The following ATG5 variants were observed in gnomAD, a reference collection of about 807,000 sequenced individuals.
ATG5 encodes autophagy protein 5.
A neutral mutation model predicts 36.5 loss-of-function variants in ATG5; 14 were observed. The ratio of observed to expected loss-of-function variants is 0.38; its 90% confidence interval spans 0.25 to 0.60. The LOEUF is 0.60. Ranked by LOEUF, ATG5 falls within the 20% of genes least tolerant of loss-of-function variation. The pLI, the probability that ATG5 is intolerant of heterozygous loss-of-function variation, is 0.60. For missense variants in ATG5, 195 were observed against 326.7 expected (o/e 0.60, Z 3.11); for synonymous variants, 95 against 101.5 (o/e 0.94, Z 0.38).
chr6:106,219,208 G>A (rs910638222), intron 6 of ATG5, among the ~76,000 whole-genome samples: 2 of 152,050 alleles, frequency 1.3e-5, no homozygotes, highest in Admixed American at 6.5e-5. Context: ...TTGGATTTCC[G>A]GGTCTTCAGC....
At chr6:106,299,792 T>C (rs934173830) in intron 3 of ATG5, among the ~76,000 whole-genome samples, 2 of 152,318 alleles carry the variant, frequency 1.3e-5, no homozygotes, top group Admixed American at 6.5e-5. Flanking sequence ...AATACAAGTA[T>C]TCTAAAATCA....
At chr6:106,218,096 T>C (rs189736910) in intron 6 of ATG5, among the ~76,000 whole-genome samples, 70 of 152,234 alleles carry the variant, frequency 4.6e-4, no homozygotes, top group Admixed American at 1.4e-3. Flanking sequence ...AAAAGAGACT[T>C]TGGTAAGGGG....
intron 7 of ATG5, among the ~76,000 whole-genome samples, chr6:106,189,638 T>C (rs946272482): frequency 5.2e-5 from 3 of 57,512 alleles, no homozygotes; most frequent in African/African-American, 1.4e-4. Flanking sequence ...AAATTAATAA[T>C]AAAACAGTAA....
chr6:106,295,898 T>C (rs1388266311), intron 3 of ATG5, among the ~76,000 whole-genome samples: 1 of 152,174 alleles, frequency 6.6e-6, no homozygotes, highest in African/African-American at 2.4e-5. Flanking sequence ...TGGATCAGAA[T>C]ACAAGTTAAA....
rs1366737059 is a variant in ATG5, at chr6:106,325,545, C to T, written c.-78G>A. The T allele has an allele frequency of 6.5e-6, 1 of 152,912 alleles. No homozygotes were observed. Among genetic ancestry groups the T allele is most frequent in the Non-Finnish European group, 1.5e-5 (1 of 68,286 alleles). The allele number at this position is 152,912 out of a possible 1,614,324, so 9.5% of individuals were successfully genotyped here. ...ACGTACCCTACTCCAAGCTATGGCT[C>T]CTCCTTCCGGCTCCCCGCACTGGTG... On this transcript the variant is annotated 5_prime_UTR_variant, in exon 1 of 8. Transcript: ENST00000369076.
intron 6 of ATG5, among the ~76,000 whole-genome samples, chr6:106,217,827 G>A (rs600076): frequency 0.031 from 4,753 of 152,148 alleles, 257 homozygotes; most frequent in East Asian, 0.24. Context: ...TATCTGAAGA[G>A]AGAATGGTCT....
At chr6:106,250,267 T>G (rs979594007) in intron 5 of ATG5, among the ~76,000 whole-genome samples, 8 of 152,164 alleles carry the variant, frequency 5.3e-5, no homozygotes. Flanking sequence ...TTTAAAAAAT[T>G]TCTTCTTACA....
At chr6:106,209,792 G>T (rs1031161333) in intron 6 of ATG5, among the ~76,000 whole-genome samples, 1 of 152,134 alleles carries the variant, frequency 6.6e-6, no homozygotes, top group Non-Finnish European at 1.5e-5. Flanking sequence ...AGGGTATGTA[G>T]ATCTTTCTGT....
At chr6:106,221,083 G>A (rs1220899778) in intron 6 of ATG5, among the ~76,000 whole-genome samples, 2 of 152,142 alleles carry the variant, frequency 1.3e-5, no homozygotes, top group East Asian at 3.8e-4. Flanking sequence ...AAAATGGGAG[G>A]ACTGAAATCA....
At chr6:106,285,775 A>G (rs1340224682) in intron 4 of ATG5, among the ~76,000 whole-genome samples, 3 of 152,160 alleles carry the variant, frequency 2.0e-5, no homozygotes, top group Admixed American at 6.5e-5. Context: ...CTAAATCTGT[A>G]TTTCATGCAA....
intron 6 of ATG5, among the ~76,000 whole-genome samples, chr6:106,229,103 C>T (rs1339896494): frequency 6.6e-6 from 1 of 152,240 alleles, no homozygotes; most frequent in Non-Finnish European, 1.5e-5. Flanking sequence ...CAAAATTCTC[C>T]TTACCTCTGA....
At chr6:106,239,123 C>T (rs943106342) in intron 6 of ATG5, among the ~76,000 whole-genome samples, 1 of 151,520 alleles carries the variant, frequency 6.6e-6, no homozygotes, top group Non-Finnish European at 1.5e-5. Flanking sequence ...TCAGCACAGT[C>T]TTGGTAATGC....
intron 6 of ATG5, among the ~76,000 whole-genome samples, chr6:106,246,371 G>GTCTCTC (rs761408773): frequency 1.4e-3 from 171 of 124,684 alleles, no homozygotes; most frequent in African/African-American, 3.9e-3. Context: ...CTCTGTCTCT[G>GTCTCTC]TCTCTCTCTC....
At position 106,186,653 on chromosome 6, in the gene ATG5, T is replaced by C. The variant is rs1332254750; in HGVS notation, c.715A>G (p.Met239Val). 3.1e-6 allele frequency: 5 copies of C among 1,613,728 alleles called. No individual in the cohort carries two copies. Among genetic ancestry groups the C allele is most frequent in the Non-Finnish European group, 4.2e-6 (5 of 1,179,854 alleles). Residue 239 changes from methionine to valine, a missense_variant, in exon 8 of 8, where the codon ATG becomes GTG. Transcript: ENST00000369076. ...AACATTGGCTCAATTCCATGAATCA[T>C]CACTTGATTCTTTTTTTCCCCATCT... ...PEDGEKKNQV[M>V]IHGIEPMLET...
chr6:106,242,652 T>A (rs1376487012), intron 6 of ATG5, among the ~76,000 whole-genome samples: 1 of 152,148 alleles, frequency 6.6e-6, no homozygotes, highest in Non-Finnish European at 1.5e-5. Context: ...TCAAGCAACT[T>A]ACATTCACCT....
chr6:106,233,666 A>T (rs1302659177), intron 6 of ATG5, among the ~76,000 whole-genome samples: 1 of 152,164 alleles, frequency 6.6e-6, no homozygotes, highest in East Asian at 1.9e-4. Context: ...CAAGGAAGAG[A>T]TCTGTGTAGA....
intron 3 of ATG5, among the ~76,000 whole-genome samples, chr6:106,298,710 A>T (rs1239432859): frequency 6.6e-6 from 1 of 152,208 alleles, no homozygotes; most frequent in African/African-American, 2.4e-5. Flanking sequence ...CATAATTAAC[A>T]TGCGGTTCAA....
At chr6:106,292,191 T>C (rs1780335779) in intron 4 of ATG5, among the ~76,000 whole-genome samples, 1 of 152,200 alleles carries the variant, frequency 6.6e-6, no homozygotes, top group African/African-American at 2.4e-5. Flanking sequence ...TCATTGCTAT[T>C]TGAGAATGAA....
At chr6:106,305,107 A>AG (rs397971332) in intron 3 of ATG5, among the ~76,000 whole-genome samples, 1 of 150,058 alleles carries the variant, frequency 6.7e-6, no homozygotes, top group Non-Finnish European at 1.5e-5. Flanking sequence ...AAAAAAAAAA[A>AG]GATGAATTTT....
Sources: gnomAD v4.1 joint callset for allele counts (sites outside exome capture counted in the v4.1 genomes callset) on GRCh38, gnomAD v4.1.1 for gene constraint, MANE v1.5 for transcripts, NCBI Gene and HGNC (gene_info 2026-07-23, HGNC 2026-07-21) for gene names.